PCDH15: variants seen among roughly 807,000 people sequenced by gnomAD.
PCDH15 encodes the protein protocadherin-15.
A neutral mutation model predicts 178.5 loss-of-function variants in PCDH15; 129 were observed. The observed-to-expected ratio is 0.72, with a 90% confidence interval of 0.63 to 0.84. PCDH15 has a LOEUF of 0.84. Among genes scored for constraint, PCDH15 ranks in the 40% least tolerant of loss-of-function variants. The pLI is 0.00. For missense variants in PCDH15, 2,230 were observed against 2,099.9 expected (o/e 1.06, Z -1.21); for synonymous variants, 800 against 732.0 (o/e 1.09, Z -1.50).
intron 7 of PCDH15, among the ~76,000 whole-genome samples, chr10:54,322,219 A>G (rs1451720952): frequency 6.6e-6 from 1 of 151,964 alleles, no homozygotes; most frequent in African/African-American, 2.4e-5. Flanking sequence ...ATAAAAAATA[A>G]CTATTTCTAT....
chr10:53,854,667 T>G (rs1323469278), intron 28 of PCDH15, among the ~76,000 whole-genome samples: 1 of 152,022 alleles, frequency 6.6e-6, no homozygotes, highest in African/African-American at 2.4e-5. Context: ...ACAAAACTCC[T>G]AGCCACTCTC....
chr10:54,191,563 A>G (rs1304881775), intron 11 of PCDH15, among the ~76,000 whole-genome samples: 1 of 152,154 alleles, frequency 6.6e-6, no homozygotes, highest in African/African-American at 2.4e-5. Context: ...ATCAAGATAC[A>G]GAAAATTGTG....
intron 5 of PCDH15, among the ~76,000 whole-genome samples, chr10:54,362,429 A>G (rs745461890): frequency 7.9e-5 from 12 of 152,124 alleles, no homozygotes; most frequent in Non-Finnish European, 1.8e-4. Flanking sequence ...TTGTTATGTC[A>G]ATATTTACCA....
intron 25 of PCDH15, among the ~76,000 whole-genome samples, chr10:53,925,751 C>A (rs2133927849): frequency 6.6e-6 from 1 of 152,216 alleles, no homozygotes; most frequent in East Asian, 1.9e-4. Flanking sequence ...TGAGCCCTTT[C>A]TATGGTGTGT....
intron 3 of PCDH15, among the ~76,000 whole-genome samples, chr10:54,863,197 AC>A (rs1382943071): frequency 6.6e-6 from 1 of 152,164 alleles, no homozygotes; most frequent in Non-Finnish European, 1.5e-5. Flanking sequence ...TAAATGATTA[AC>A]AGCTAGCTTT....
chr10:53,834,797 C>A (rs1158128444), intron 29 of PCDH15, among the ~76,000 whole-genome samples: 1 of 152,176 alleles, frequency 6.6e-6, no homozygotes, highest in Non-Finnish European at 1.5e-5. Context: ...ACATAATCAA[C>A]AATCTACCCT....
chr10:54,195,562 CACTT>C (rs764304812), intron 11 of PCDH15, 117 bp downstream of exon 11: 22 of 830,932 alleles, frequency 2.6e-5, no homozygotes, highest in Middle Eastern at 2.8e-4. Flanking sequence ...CACTAAAACT[CACTT>C]ACAGTGACTT....
chr10:55,292,297 G>T (rs1588885592), intron 1 of PCDH15, among the ~76,000 whole-genome samples: 1 of 152,174 alleles, frequency 6.6e-6, no homozygotes, highest in African/African-American at 2.4e-5. Flanking sequence ...AGGAGAAATT[G>T]GCCAAAACAA....
chr10:55,274,019 T>C lies in PCDH15; in HGVS notation c.-156+45580A>G, dbSNP rs190016057. ...GTATGTATGTATGTGTGTGTGTGCA[T>C]ATGCAGACAGTCTTTCTGAGTTATG... On this transcript the variant is annotated intron_variant, in intron 1 of 5. Coordinates refer to the PCDH15 transcript ENST00000458638. Among the ~76,000 whole-genome samples, 27 of 152,232 alleles carry C rather than the reference T, an allele frequency of 1.8e-4. No individual in the cohort carries two copies. In the East Asian group the frequency reaches 3.7e-3, roughly 21 times the overall value.
intron 3 of PCDH15, among the ~76,000 whole-genome samples, chr10:54,859,295 A>G (rs1233268257): frequency 2.6e-5 from 4 of 152,048 alleles, no homozygotes; most frequent in Admixed American, 6.6e-5. Flanking sequence ...CATTTCCATT[A>G]CAATGAGCAA....
chr10:54,522,877 A>G (rs532419247), intron 3 of PCDH15, among the ~76,000 whole-genome samples: 2 of 152,330 alleles, frequency 1.3e-5, no homozygotes, highest in East Asian at 1.9e-4. Flanking sequence ...GTTTTGTTGT[A>G]AAAATGAAGA....
At chr10:54,607,575 T>A (rs1365025999) in intron 2 of PCDH15, among the ~76,000 whole-genome samples, 1 of 152,100 alleles carries the variant, frequency 6.6e-6, no homozygotes, top group Non-Finnish European at 1.5e-5. Context: ...CATGACAAAT[T>A]TATTCTTGTT....
At chr10:55,116,150 T>C (rs1837623225) in intron 2 of PCDH15, among the ~76,000 whole-genome samples, 1 of 152,156 alleles carries the variant, frequency 6.6e-6, no homozygotes, top group Admixed American at 6.5e-5. Flanking sequence ...GTGGAGTAGC[T>C]AAAAGATTGT....
chr10:54,027,500 A>G (rs2093142580), intron 18 of PCDH15, among the ~76,000 whole-genome samples: 1 of 151,508 alleles, frequency 6.6e-6, no homozygotes, highest in African/African-American at 2.4e-5. Flanking sequence ...CTAAGCCAAA[A>G]GAACAAAGCT....
intron 28 of PCDH15, among the ~76,000 whole-genome samples, chr10:53,855,512 G>T (rs1260546521): frequency 6.6e-6 from 1 of 151,888 alleles, no homozygotes; most frequent in Non-Finnish European, 1.5e-5. Flanking sequence ...ACACCAAAAG[G>T]TTAAATTTGT....
rs753450936 is a variant in PCDH15, at chr10:53,806,573, AATTGGTCACAGTTTTGTC to A, written c.5211_*5del. 6.4e-7 allele frequency: 1 copy of A among 1,568,470 alleles called. No individual in the cohort carries two copies. The highest frequency in any genetic ancestry group is 1.2e-5 in the South Asian group (1 of 83,678). ...AAATTAATTAAAATATCTTTTAAAA[AATTGGTCACAGTTTTGTC>A]ATTGGTATATGGAGGTTGTTCCAGG... On this transcript the variant is annotated stop_lost and 3_prime_UTR_variant, in exon 38 of 38. Transcript: ENST00000644397.
chr10:54,796,701 C>A (rs1055907234), intron 1 of PCDH15, among the ~76,000 whole-genome samples: 49 of 151,806 alleles, frequency 3.2e-4, no homozygotes, highest in African/African-American at 1.2e-3. Context: ...GAGTCTCTCT[C>A]ATTTTCTTTG....
intron 2 of PCDH15, among the ~76,000 whole-genome samples, chr10:55,345,703 T>A (rs1019567609): frequency 6.6e-6 from 1 of 152,080 alleles, no homozygotes; most frequent in Non-Finnish European, 1.5e-5. Context: ...GTTTTGAAGA[T>A]CTTCATGTTT....
At chr10:55,058,141 T>C (rs1841350006) in intron 2 of PCDH15, among the ~76,000 whole-genome samples, 1 of 152,212 alleles carries the variant, frequency 6.6e-6, no homozygotes, top group South Asian at 2.1e-4. Context: ...TTCAAATGCA[T>C]CCATGTGTAA....
Sources: gnomAD v4.1 joint callset for allele counts (sites outside exome capture counted in the v4.1 genomes callset) on GRCh38, gnomAD v4.1.1 for gene constraint, MANE v1.5 for transcripts, NCBI Gene and HGNC (gene_info 2026-07-23, HGNC 2026-07-21) for gene names.